Variants in ABHD12 observed in about 807,000 individuals in gnomAD.
ABHD12 encodes lysophosphatidylserine lipase ABHD12.
ABHD12 carries 43 observed loss-of-function variants against 58.3 expected under a neutral mutation model. The observed-to-expected ratio is 0.74, with a 90% CI of 0.58 to 0.95. The LOEUF (loss-of-function observed/expected upper bound fraction) is 0.95. Among genes scored for constraint, ABHD12 ranks in the 40% least tolerant of loss-of-function variants. The pLI, the probability that ABHD12 is intolerant of heterozygous loss-of-function variation, is 0.00. For missense variants in ABHD12, 539 were observed against 537.2 expected (o/e 1.00, Z -0.03); for synonymous variants, 219 against 211.2 (o/e 1.04, Z -0.32).
intron 1 of ABHD12, among the ~76,000 whole-genome samples, chr20:25,383,954 C>CAAAAAAAAAAAA (rs1201588127): frequency 1.3e-4 from 7 of 53,372 alleles, no homozygotes; most frequent in African/African-American, 1.6e-4. Flanking sequence ...GACTCTTTCT[C>CAAAAAAAAAAAA]AAAAAAAAAA....
At chr20:25,311,562 G>A (rs2088849809) in intron 6 of ABHD12, among the ~76,000 whole-genome samples, 1 of 152,208 alleles carries the variant, frequency 6.6e-6, no homozygotes, top group Non-Finnish European at 1.5e-5. Context: ...ACATCCAGGT[G>A]ACAGCCTCTC....
intron 4 of ABHD12, 67 bp downstream of exon 4, chr20:25,320,132 C>T (rs2089038539): frequency 6.2e-7 from 1 of 1,603,938 alleles, no homozygotes; most frequent in South Asian, 1.1e-5. Flanking sequence ...GCAGACCGGG[C>T]CAGGACATTC....
At position 25,302,356 on chromosome 20, in the gene ABHD12, G is replaced by A. The variant is rs1391744433; in HGVS notation, c.1030-10C>T. On this transcript the variant is annotated splice_polypyrimidine_tract_variant and intron_variant, in intron 11 of 12. Transcript: ENST00000339157. ...CGGCGATGCTATAGAGCTGGGGAGA[G>A]AGGGGTCAGAGCCTGAGGCAGTGGC... 2.5e-6 allele frequency: 4 copies of A among 1,612,674 alleles called. No homozygotes were observed. The highest frequency in any genetic ancestry group is 2.2e-5 in the East Asian group (1 of 44,890).
chr20:25,354,249 G>T (rs1483075508), intron 1 of ABHD12, among the ~76,000 whole-genome samples: 1 of 152,202 alleles, frequency 6.6e-6, no homozygotes, highest in Non-Finnish European at 1.5e-5. Flanking sequence ...CTGGCCTGAA[G>T]GGCTGTTCCC....
At chr20:25,338,861 C>G in intron 2 of ABHD12, 13 of 1,075,164 alleles carry the variant, frequency 1.2e-5, no homozygotes, top group Non-Finnish European at 1.4e-5. Flanking sequence ...GCTGACTTCT[C>G]ATGTTGTCAA....
downstream of ABHD12, among the ~76,000 whole-genome samples, chr20:25,298,643 TTC>T (rs1419995430): frequency 6.6e-6 from 1 of 152,238 alleles, no homozygotes; most frequent in African/African-American, 2.4e-5. Flanking sequence ...ACACACACCT[TTC>T]TGGTGTGACT....
intron 1 of ABHD12, among the ~76,000 whole-genome samples, chr20:25,369,816 T>G (rs755657732): frequency 7.2e-5 from 11 of 151,836 alleles, no homozygotes; most frequent in Non-Finnish European, 1.2e-4. Context: ...ATGCCAGCAC[T>G]CTGCTGTAAT....
At chr20:25,365,359 A>C (rs895512795) in intron 1 of ABHD12, among the ~76,000 whole-genome samples, 2 of 152,184 alleles carry the variant, frequency 1.3e-5, no homozygotes, top group African/African-American at 2.4e-5. Flanking sequence ...AAAAGGTAGT[A>C]TTGTAAACTG....
rs147345287 is a variant in ABHD12 at position 25,294,807 on chromosome 20, G to C, written c.*166C>G. ...TAGCACATGGTATGGTTTATCTAGA[G>C]TTACAGACTTTGTAAGGTTTGCAGC... On this transcript the variant is annotated 3_prime_UTR_variant, in exon 13 of 13. Coordinates refer to the ABHD12 transcript ENST00000376542. 5,315 of 744,940 alleles carry C rather than the reference G, an allele frequency of 7.1e-3. 58 individuals carry two copies. Among genetic ancestry groups the C allele is most frequent in the Non-Finnish European group, 8.0e-3 (3,290 of 411,424 alleles). 46.1% of individuals were successfully genotyped at this position (744,940 alleles called of 1,614,324 possible). A position where few individuals can be genotyped will look rare whatever the true frequency, so the allele number is the denominator to read the frequency against.
chr20:25,336,989 C>T (rs556824839), intron 2 of ABHD12, among the ~76,000 whole-genome samples: 1 of 152,322 alleles, frequency 6.6e-6, no homozygotes, highest in South Asian at 2.1e-4. Flanking sequence ...GGGCTGGGTG[C>T]AATGGCTCAC....
chr20:25,298,202 G>A (rs1332775528), downstream of ABHD12, among the ~76,000 whole-genome samples: 3 of 152,166 alleles, frequency 2.0e-5, no homozygotes, highest in Non-Finnish European at 4.4e-5. Context: ...TGGGATTGAG[G>A]GCAGAAAAGT....
chr20:25,378,271 G>C (rs2089983207), intron 1 of ABHD12, among the ~76,000 whole-genome samples: 1 of 152,190 alleles, frequency 6.6e-6, no homozygotes, highest in Admixed American at 6.5e-5. Context: ...AGAGCTGATG[G>C]TTGCCAAGCA....
chr20:25,343,695 T>C (rs2089483751), intron 1 of ABHD12, among the ~76,000 whole-genome samples: 1 of 152,084 alleles, frequency 6.6e-6, no homozygotes. Flanking sequence ...TCCCAGCTAC[T>C]TGGGAAGCTG....
At chr20:25,388,086 AGAG>A (rs1401499804) in intron 1 of ABHD12, among the ~76,000 whole-genome samples, 1 of 150,732 alleles carries the variant, frequency 6.6e-6, no homozygotes, top group Non-Finnish European at 1.5e-5. Context: ...ACAAAAAAAA[AGAG>A]AAGAGGGATG....
At chr20:25,295,522 T>G, downstream of ABHD12, 1 of 1,482,366 alleles carries the variant, frequency 6.7e-7, no homozygotes, top group East Asian at 2.3e-5. Flanking sequence ...GTGCCTGGCC[T>G]CCTGCCCTGG....
At chr20:25,382,034 G>A (rs2090028673) in intron 1 of ABHD12, among the ~76,000 whole-genome samples, 1 of 152,146 alleles carries the variant, frequency 6.6e-6, no homozygotes, top group African/African-American at 2.4e-5. Flanking sequence ...CACTCACCAT[G>A]TGCCAGGAAC....
intron 1 of ABHD12, among the ~76,000 whole-genome samples, chr20:25,375,338 G>A (rs1424187616): frequency 6.6e-6 from 1 of 152,176 alleles, no homozygotes; most frequent in African/African-American, 2.4e-5. Context: ...TGCTGTTCCT[G>A]AATGTTCTAC....
chr20:25,322,381 A>ATATATATATATATATATTTTTTTT lies in ABHD12; in HGVS notation c.422+943_422+944insAAAAAAAATATATATATATATATA. ...GGAAAAGATATATATATATATATAT[A>ATATATATATATATATATTTTTTTT]TTTTTTTTTTTTTTTGAGACAAGAG... is the stretch of plus-strand genomic sequence containing the variant. On this transcript the variant is annotated intron_variant, in intron 3 of 12. Coordinates refer to ENST00000339157, the MANE Select transcript of ABHD12 (RefSeq NM_001042472.3). Among the ~76,000 whole-genome samples, 258 of 59,112 alleles carry ATATATATATATATATATTTTTTTT rather than the reference A, an allele frequency of 4.4e-3. 3 individuals carry two copies. Among genetic ancestry groups the ATATATATATATATATATTTTTTTT allele is most frequent in the Admixed American group, 7.8e-3 (37 of 4,758 alleles). 38.8% of individuals were successfully genotyped at this position (59,112 alleles called of 152,430 possible).
intron 1 of ABHD12, among the ~76,000 whole-genome samples, chr20:25,356,860 C>T (rs2500445): frequency 0.027 from 4,141 of 152,150 alleles, 182 homozygotes; most frequent in African/African-American, 0.091. Flanking sequence ...ACAATGAGGC[C>T]GCACAGTGCA....
Sources: allele counts gnomAD v4.1 joint callset (sites outside exome capture counted in the v4.1 genomes callset), GRCh38; gene constraint gnomAD v4.1.1; transcripts MANE v1.5; gene names NCBI Gene and HGNC (gene_info 2026-07-23, HGNC 2026-07-21).